Variants in ZFHX3 observed in about 807,000 individuals in gnomAD.
The protein encoded by ZFHX3 is zinc finger homeobox protein 3.
A neutral mutation model predicts 279.1 loss-of-function variants in ZFHX3; 42 were observed. That is an observed-to-expected ratio of 0.15 (90% CI 0.12 to 0.19). ZFHX3 has a LOEUF of 0.19. ZFHX3 is among the 10% of genes least tolerant of loss of function. The pLI, the probability that ZFHX3 is intolerant of heterozygous loss-of-function variation, is 1.00. For missense variants in ZFHX3, 4,981 were observed against 4,754.0 expected (o/e 1.05, Z -1.40); for synonymous variants, 2,293 against 1,957.8 (o/e 1.17, Z -4.52).
intron 2 of ZFHX3, among the ~76,000 whole-genome samples, chr16:73,672,333 C>G (rs1042504720): frequency 1.3e-5 from 2 of 152,144 alleles, no homozygotes; most frequent in African/African-American, 4.8e-5. Context: ...TAAATGAAAT[C>G]AAATGATCTG....
At chr16:73,240,655 C>T (rs945379310) in intron 5 of ZFHX3, among the ~76,000 whole-genome samples, 1 of 152,174 alleles carries the variant, frequency 6.6e-6, no homozygotes, top group Non-Finnish European at 1.5e-5. Flanking sequence ...CAGCTGGGAA[C>T]ACACACATTG....
At chr16:72,989,477 CA>C (rs60029159) in intron 1 of ZFHX3, among the ~76,000 whole-genome samples, 10,957 of 122,438 alleles carry the variant, frequency 0.089, 693 homozygotes, top group African/African-American at 0.21. Flanking sequence ...CACTCTGTCT[CA>C]AAAAAAAAAA....
intron 5 of ZFHX3, among the ~76,000 whole-genome samples, chr16:72,820,868 C>T (rs371333232): frequency 7.2e-5 from 11 of 152,202 alleles, no homozygotes; most frequent in East Asian, 5.8e-4. Context: ...CAAAACCAGT[C>T]GCATGCGAGT....
At chr16:73,538,818 C>T (rs2019956746) in intron 2 of ZFHX3, among the ~76,000 whole-genome samples, 1 of 152,204 alleles carries the variant, frequency 6.6e-6, no homozygotes, top group Non-Finnish European at 1.5e-5. Context: ...AATAACAATG[C>T]AGCACCATTT....
In ZFHX3 at chr16:72,788,602, G is replaced by A. The variant is rs1011459036; in HGVS notation, c.9674C>T (p.Pro3225Leu). ...CTTGCGTTGCTGCTGCTGTTGCAGT[G>A]GGAGCTGTGGTGTGGGTGGCGGCTG... ...AAQPPPTPQL[P>L]LQQQQQRKDK... Residue 3225 changes from proline to leucine, a missense_variant, in exon 10 of 10, where the codon CCA (proline) becomes CTA (leucine). Physicochemically the swap from Pro to Leu is moderately conservative, Grantham distance 98. Coordinates refer to ENST00000268489, the MANE Select transcript of ZFHX3 (RefSeq NM_006885.4). The A allele has an allele frequency of 2.5e-6, 4 of 1,613,442 alleles. No individual in the cohort carries two copies. The highest frequency in any genetic ancestry group is 2.7e-5 in the African/African-American group (2 of 74,886).
chr16:73,802,223 T>C (rs1477712497), intron 1 of ZFHX3, among the ~76,000 whole-genome samples: 1 of 152,154 alleles, frequency 6.6e-6, no homozygotes, highest in Admixed American at 6.5e-5. Flanking sequence ...TAGTATCAAA[T>C]TGTCAGAGAT....
intron 1 of ZFHX3, among the ~76,000 whole-genome samples, chr16:72,974,540 T>C (rs1007153165): frequency 2.0e-5 from 3 of 149,464 alleles, no homozygotes; most frequent in Admixed American, 6.7e-5. Flanking sequence ...CAAACAAGGA[T>C]TGCCCTTTGG....
chr16:73,866,757 G>C (rs1162652503), intron 1 of ZFHX3, among the ~76,000 whole-genome samples: 2 of 152,182 alleles, frequency 1.3e-5, no homozygotes. Context: ...TTATTTGGGA[G>C]GTAAACACAG....
chr16:73,796,171 C>G (rs574253704), intron 1 of ZFHX3, among the ~76,000 whole-genome samples: 1 of 152,194 alleles, frequency 6.6e-6, no homozygotes, highest in East Asian at 1.9e-4. Context: ...ATTATTCATG[C>G]TCAGAGAAAA....
chr16:73,853,274 T>C (rs1359830914), intron 1 of ZFHX3, among the ~76,000 whole-genome samples: 1 of 152,192 alleles, frequency 6.6e-6, no homozygotes, highest in Non-Finnish European at 1.5e-5. Context: ...CAGAGATTTC[T>C]CAAAGAACTA....
intron 3 of ZFHX3, among the ~76,000 whole-genome samples, chr16:73,379,054 C>T (rs181117860): frequency 2.6e-5 from 4 of 152,274 alleles, no homozygotes; most frequent in Admixed American, 6.5e-5. Context: ...ATGATTCTGA[C>T]GATCCCACGA....
At chr16:73,064,300 C>T (rs867835492), upstream of ZFHX3, among the ~76,000 whole-genome samples, 2 of 152,042 alleles carry the variant, frequency 1.3e-5, no homozygotes, top group African/African-American at 4.8e-5. Flanking sequence ...CTCACTCCAG[C>T]TACCAGGGTG....
chr16:73,641,136 G>C (rs998910494), intron 2 of ZFHX3, among the ~76,000 whole-genome samples: 3 of 152,272 alleles, frequency 2.0e-5, no homozygotes, highest in Admixed American at 6.5e-5. Context: ...TTTTTAGACA[G>C]TTAAGTTCTC....
chr16:73,631,716 G>A (rs1268189942), intron 2 of ZFHX3, among the ~76,000 whole-genome samples: 1 of 152,086 alleles, frequency 6.6e-6, no homozygotes, highest in East Asian at 1.9e-4. Context: ...ACCAGCCTGG[G>A]CAAAATGGTG....
chr16:72,881,350 G>A (rs947113895), intron 4 of ZFHX3, among the ~76,000 whole-genome samples: 10 of 152,048 alleles, frequency 6.6e-5, no homozygotes, highest in African/African-American at 2.4e-4. Flanking sequence ...CACTTAGACT[G>A]AGGCCACAAA....
chr16:73,451,853 T>C (rs2018285958), intron 3 of ZFHX3, among the ~76,000 whole-genome samples: 1 of 152,232 alleles, frequency 6.6e-6, no homozygotes, highest in African/African-American at 2.4e-5. Context: ...GGAGAACTGT[T>C]CCATGTGATA....
intron 3 of ZFHX3, among the ~76,000 whole-genome samples, chr16:72,908,758 G>A (rs192105260): frequency 1.9e-4 from 29 of 152,286 alleles, no homozygotes; most frequent in African/African-American, 6.0e-4. Context: ...TCAGCACGGC[G>A]ATACGAGAAC....
intron 1 of ZFHX3, among the ~76,000 whole-genome samples, chr16:73,804,668 A>C (rs1960226842): frequency 6.6e-6 from 1 of 152,080 alleles, no homozygotes; most frequent in Non-Finnish European, 1.5e-5. Flanking sequence ...TCTTTTATTG[A>C]AAAATATGTG....
intron 4 of ZFHX3, among the ~76,000 whole-genome samples, chr16:72,861,180 C>T (rs2037880819): frequency 6.6e-6 from 1 of 152,234 alleles, no homozygotes; most frequent in Non-Finnish European, 1.5e-5. Flanking sequence ...CCCCTACAGC[C>T]ACTGGGCTGT....
Sources: allele counts gnomAD v4.1 joint callset (sites outside exome capture counted in the v4.1 genomes callset), GRCh38; gene constraint gnomAD v4.1.1; transcripts MANE v1.5; gene names NCBI Gene and HGNC (gene_info 2026-07-23, HGNC 2026-07-21).